Variants in SLCO1A2 observed in about 807,000 individuals in gnomAD.
The protein encoded by SLCO1A2 is OATP-1.
SLCO1A2 carries 67 observed loss-of-function variants against 69.0 expected under a neutral mutation model. That is an observed-to-expected ratio of 0.97 (90% CI 0.80 to 1.19). The LOEUF (loss-of-function observed/expected upper bound fraction) is 1.19. Among genes scored for constraint, SLCO1A2 ranks in the 50% most tolerant of loss-of-function variants. The pLI is 0.00. For missense variants in SLCO1A2, 787 were observed against 793.7 expected (o/e 0.99, Z 0.10); for synonymous variants, 260 against 265.9 (o/e 0.98, Z 0.22).
intron 12 of SLCO1A2, among the ~76,000 whole-genome samples, chr12:21,289,534 C>G (rs1408427850): frequency 2.0e-5 from 3 of 152,074 alleles, no homozygotes; most frequent in Non-Finnish European, 2.9e-5. Context: ...AGCTCTTGAA[C>G]TAGGAGATTT....
chr12:21,416,354 G>A (rs1020640977), intron 1 of SLCO1A2, among the ~76,000 whole-genome samples: 1 of 105,358 alleles, frequency 9.5e-6, no homozygotes, highest in Non-Finnish European at 2.0e-5. Flanking sequence ...ATAGAATCTC[G>A]GGCACACACA....
At chr12:21,315,156 T>C (rs1950716052) in intron 3 of SLCO1A2, among the ~76,000 whole-genome samples, 1 of 152,212 alleles carries the variant, frequency 6.6e-6, no homozygotes, top group East Asian at 1.9e-4. Flanking sequence ...TTGTAACTCA[T>C]TGTTTAAAAA....
chr12:21,300,419 T>C lies in SLCO1A2; in HGVS notation c.839A>G (p.Asp280Gly). 1 of 1,613,576 alleles carries C rather than the reference T, an allele frequency of 6.2e-7. No individual in the cohort carries two copies. The highest frequency in any genetic ancestry group is 8.5e-7 in the Non-Finnish European group (1 of 1,179,668). Residue 280 changes from aspartate to glycine, a missense_variant, in exon 8 of 15, where the codon GAC becomes GGC. Physicochemically the swap from Asp to Gly is moderately conservative, Grantham distance 94. Transcript: ENST00000683939. Reference protein sequence around the residue: ...LPKEGLETNADIIKNENEDKQ... With the variant: ...LPKEGLETNAGIIKNENEDKQ... ...GTCTTCATTTTCATTTTTAATGATGTCAGCATTAGTCTCTAGTCCTTCCTT... is the reference window on the plus strand; with the variant it reads ...GTCTTCATTTTCATTTTTAATGATGCCAGCATTAGTCTCTAGTCCTTCCTT...
At chr12:21,283,051 C>T (rs965490199) in intron 12 of SLCO1A2, among the ~76,000 whole-genome samples, 5 of 152,082 alleles carry the variant, frequency 3.3e-5, no homozygotes, top group Non-Finnish European at 7.4e-5. Flanking sequence ...CAATGACATT[C>T]CCCACAGAAA....
At position 21,287,144 on chromosome 12, in the gene SLCO1A2, G is replaced by T. The variant is rs368534267; in HGVS notation, c.1610+5020C>A. Among the ~76,000 whole-genome samples the T allele has an allele frequency of 6.6e-3, 845 of 128,458 alleles. 7 individuals are homozygous for T. The highest frequency in any genetic ancestry group is 0.022 in the East Asian group (56 of 2,568). 84.3% of individuals were successfully genotyped at this position (128,458 alleles called of 152,430 possible). A position where few individuals can be genotyped will look rare whatever the true frequency, so the allele number is the denominator to read the frequency against. ...AGGGCTAATATCCAGAATCTACAATGAACTCAAACAAATTTACAAGAAAAA... is the reference window on the plus strand; with the variant it reads ...AGGGCTAATATCCAGAATCTACAATTAACTCAAACAAATTTACAAGAAAAA... On this transcript the variant is annotated intron_variant, in intron 12 of 14. Coordinates refer to ENST00000683939, the MANE Select transcript of SLCO1A2 (RefSeq NM_001386879.1).
Position 21,359,746 on chromosome 12 carries a change from TA to T in SLCO1A2, c.-63+14652del, listed in dbSNP as rs35529364. 3.8e-3 allele frequency among the ~76,000 whole-genome samples: 538 copies of T among 140,054 alleles called. 5 individuals carry two copies. The highest frequency in any genetic ancestry group is 7.5e-3 in the Middle Eastern group (2 of 268). 91.9% of individuals were successfully genotyped at this position (140,054 alleles called of 152,430 possible). A position where few individuals can be genotyped will look rare whatever the true frequency, so the allele number is the denominator to read the frequency against. On this transcript the variant is annotated intron_variant, in intron 2 of 15. Transcript: ENST00000307378. ...TGGGCGACAGAGCGAGACTCCGTCT[TA>T]AAAAAAAAAAAAAAATCAATGGACT... is the stretch of plus-strand genomic sequence containing the variant.
upstream of SLCO1A2, among the ~76,000 whole-genome samples, chr12:21,337,818 G>A (rs1054677980): frequency 1.3e-5 from 2 of 151,906 alleles, no homozygotes; most frequent in African/African-American, 4.8e-5. Context: ...ATAAATATAA[G>A]TATTATTTTA....
At chr12:21,273,306 C>CTAT (rs1565460551) in intron 14 of SLCO1A2, among the ~76,000 whole-genome samples, 2 of 147,592 alleles carry the variant, frequency 1.4e-5, no homozygotes, top group East Asian at 1.9e-4. Flanking sequence ...GAGAGAGACA[C>CTAT]TATTTATATC....
chr12:21,342,883 T>C (rs1375129065), intron 2 of SLCO1A2, among the ~76,000 whole-genome samples: 2 of 152,018 alleles, frequency 1.3e-5, no homozygotes, highest in Non-Finnish European at 2.9e-5. Context: ...TCTAGCTTGA[T>C]AGTACCAGTA....
chr12:21,365,082 T>C (rs1246475381), intron 2 of SLCO1A2, among the ~76,000 whole-genome samples: 1 of 152,176 alleles, frequency 6.6e-6, no homozygotes, highest in Non-Finnish European at 1.5e-5. Context: ...AGAGCTCTCA[T>C]TGCCAATACG....
intron 1 of SLCO1A2, among the ~76,000 whole-genome samples, chr12:21,411,687 ATT>A (rs10618219): frequency 0.43 from 64,086 of 149,806 alleles, 13,709 homozygotes; most frequent in Middle Eastern, 0.51. Flanking sequence ...CATCAGTATA[ATT>A]TTTTTTTTTT....
intron 10 of SLCO1A2, 99 bp from the exon 11 acceptor site, chr12:21,294,209 A>C: frequency 1.0e-6 from 1 of 954,874 alleles, no homozygotes; most frequent in Non-Finnish European, 1.5e-6. Context: ...CTCTCCTCCC[A>C]TGAATAGAAA....
Position 21,300,532 on chromosome 12 carries a change from G to A in SLCO1A2, c.726C>T (p.Val242=), listed in dbSNP as rs11568550. The A allele has an allele frequency of 1.8e-3, 2,978 of 1,612,092 alleles. 31 individuals are homozygous for A. The African/African-American group carries it at 0.031, about 17-fold the overall frequency. ...LIITPTDTRW[V]GAWWFGFLIC... is the part of the protein sequence containing the mutation. Reference sequence around the variant, plus strand: ...TCAGAAAGCCAAACCACCATGCACCGACCCAACGAGTGTCAGTGGGAGTTA... The same window carrying A: ...TCAGAAAGCCAAACCACCATGCACCAACCCAACGAGTGTCAGTGGGAGTTA... The change falls in exon 8 of 15, where the codon GTC becomes GTT. Residue 242 remains valine, a synonymous_variant. Transcript: ENST00000683939.
intron 1 of SLCO1A2, among the ~76,000 whole-genome samples, chr12:21,417,399 GT>G (rs1318921747): frequency 6.7e-6 from 1 of 149,298 alleles, no homozygotes; most frequent in Non-Finnish European, 1.5e-5. Context: ...ATTTTTTTAA[GT>G]TACATCTTTC....
At chr12:21,320,529 T>C (rs1951473773) in intron 2 of SLCO1A2, among the ~76,000 whole-genome samples, 1 of 152,096 alleles carries the variant, frequency 6.6e-6, no homozygotes, top group Admixed American at 6.6e-5. Flanking sequence ...GACAGAGTCT[T>C]ACTCTGTCAC....
chr12:21,332,965 A>G (rs117187307), intron 2 of SLCO1A2, among the ~76,000 whole-genome samples: 1 of 152,234 alleles, frequency 6.6e-6, no homozygotes, highest in Non-Finnish European at 1.5e-5. Context: ...AGAAATTTGA[A>G]TAGCATTCTT....
At chr12:21,293,623 G>A (rs545780912) in intron 11 of SLCO1A2, among the ~76,000 whole-genome samples, 1 of 151,120 alleles carries the variant, frequency 6.6e-6, no homozygotes, top group South Asian at 2.1e-4. Flanking sequence ...GCAATTAGCT[G>A]GACAATTGAA....
intron 2 of SLCO1A2, among the ~76,000 whole-genome samples, chr12:21,324,888 C>G (rs1258780883): frequency 6.6e-6 from 1 of 152,172 alleles, no homozygotes; most frequent in Non-Finnish European, 1.5e-5. Flanking sequence ...ATAAGTATCT[C>G]CTCTGCATCC....
intron 12 of SLCO1A2, among the ~76,000 whole-genome samples, chr12:21,279,550 A>T (rs1219115145): frequency 6.6e-6 from 1 of 151,996 alleles, no homozygotes; most frequent in Non-Finnish European, 1.5e-5. Context: ...GAGTGGCATG[A>T]CATACTTAAA....
Sources: gnomAD v4.1 joint callset for allele counts (sites outside exome capture counted in the v4.1 genomes callset) on GRCh38, gnomAD v4.1.1 for gene constraint, MANE v1.5 for transcripts, NCBI Gene and HGNC (gene_info 2026-07-23, HGNC 2026-07-21) for gene names.